ENTPD7: variants seen among roughly 807,000 people sequenced by gnomAD.
ENTPD7 encodes the protein ectonucleoside triphosphate diphosphohydrolase 7, also known as NTPDase 7.
In ENTPD7, 53 loss-of-function variants were observed where a neutral mutation model predicts 77.9. That is an observed-to-expected ratio of 0.68 (90% CI 0.55 to 0.85). ENTPD7 has a LOEUF of 0.85. ENTPD7 is among the 40% of genes least tolerant of loss of function. ENTPD7 has a pLI of 0.00. For synonymous variants in ENTPD7, 248 were observed against 274.9 expected, an observed-to-expected ratio of 0.90 and a Z score of 0.97; for missense variants, 636 against 743.7, an observed-to-expected ratio of 0.86 and a Z score of 1.68.
At chr10:99,697,681 G>A (rs1405853011) in intron 9 of ENTPD7, 1 of 159,844 alleles carries the variant, frequency 6.3e-6, no homozygotes, top group African/African-American at 2.4e-5. Context: ...GTCGGTTCCA[G>A]TTGTTGTAAA....
At chr10:99,682,199 G>GTT (rs11452695) in intron 5 of ENTPD7, among the ~76,000 whole-genome samples, 1,554 of 145,160 alleles carry the variant, frequency 0.011, 10 homozygotes, top group Admixed American at 0.012. Context: ...GTCAACAGCA[G>GTT]TTTTTTTTTT....
rs756734808 is a variant in ENTPD7, at chr10:99,685,874, G to A, written c.631G>A (p.Val211Met). Residue 211 changes from valine to methionine, a missense_variant, in exon 6 of 13, where the codon GTG (valine) becomes ATG (methionine). By Grantham distance (21) the Val-to-Met change is conservative (BLOSUM62 1). Coordinates refer to ENST00000370489, the MANE Select transcript of ENTPD7 (RefSeq NM_020354.5). The part of the protein sequence containing the change: ...DFLFSQSQAE[V>M]ISGKQEGVYA... The stretch of plus-strand genomic sequence containing the variant: ...CCTCTTTTCACAGTCTCAAGCAGAA[G>A]TGATCTCTGGGAAGCAGGAAGGTAC... The A allele has an allele frequency of 2.9e-5, 46 of 1,613,756 alleles. No homozygotes were observed. The highest frequency in any genetic ancestry group is 3.8e-5 in the Non-Finnish European group (45 of 1,179,818).
At position 99,709,636 on chromosome 10, in the gene ENTPD7, A is replaced by G. The variant is rs778853328; in HGVS notation, c.*4953A>G. ...CTTGGCTCATTCTCTCATAACCTGG[A>G]TCTAAGTTGGAAAGCTGTGGCACCC... is the stretch of plus-strand genomic sequence containing the variant. On this transcript the variant is annotated 3_prime_UTR_variant, in exon 13 of 13. Transcript: ENST00000370489. 5.1e-6 allele frequency: 5 copies of G among 985,360 alleles called. No individual in the cohort carries two copies. The highest frequency in any genetic ancestry group is 6.0e-6 in the Non-Finnish European group (5 of 829,914). 61.0% of individuals were successfully genotyped at this position (985,360 alleles called of 1,614,324 possible). A position where few individuals can be genotyped will look rare whatever the true frequency, so the allele number is the denominator to read the frequency against.
rs78524974 is a variant in ENTPD7, at chr10:99,666,571, G to A, written c.191+4943G>A. ...TGTGGAAAAAGAATTGGAGAGGAAT[G>A]AAAAAGAAAGCAGGAAGAGTAATTG... On this transcript the variant is annotated intron_variant, in intron 3 of 12. Transcript: ENST00000370489. Among the ~76,000 whole-genome samples the A allele has an allele frequency of 3.3e-3, 496 of 152,268 alleles. 3 individuals are homozygous for A. Among genetic ancestry groups the A allele is most frequent in the African/African-American group, 0.011 (474 of 41,574 alleles).
chr10:99,665,838 C>T (rs1003890092), intron 3 of ENTPD7, among the ~76,000 whole-genome samples: 1 of 152,114 alleles, frequency 6.6e-6, no homozygotes, highest in Non-Finnish European at 1.5e-5. Flanking sequence ...CCATGCCAGC[C>T]TCGACTTTCT....
chr10:99,679,979 C>T (rs758459779), intron 5 of ENTPD7, 104 bp downstream of exon 5: 93 of 1,315,642 alleles, frequency 7.1e-5, no homozygotes, highest in Non-Finnish European at 8.2e-5. Flanking sequence ...ACCCCTAAAC[C>T]CAATTATGAC....
Position 99,679,429 on chromosome 10 carries a change from C to T in ENTPD7, c.360C>T (p.Asp120=), listed in dbSNP as rs377065169. The T allele has an allele frequency of 3.7e-6, 6 of 1,613,820 alleles. No individual in the cohort carries two copies. Among genetic ancestry groups the T allele is most frequent in the Non-Finnish European group, 4.2e-6 (5 of 1,180,008 alleles). The part of the protein sequence containing the change: ...HDLLDIKQMR[D]RNSQPVVKKI... ...TGCTGGACATCAAACAGATGAGAGACCGCAACAGCCAACCAGTGGTTAAAA... is the reference window on the plus strand; with the variant it reads ...TGCTGGACATCAAACAGATGAGAGATCGCAACAGCCAACCAGTGGTTAAAA... The change falls in exon 4 of 13, where the codon GAC becomes GAT. Residue 120 remains aspartate, a synonymous_variant. Coordinates refer to ENST00000370489, the MANE Select transcript of ENTPD7 (RefSeq NM_020354.5).
In ENTPD7 at chr10:99,679,723, A is replaced by C. The variant is rs1355351507; in HGVS notation, c.398-2A>C. On this transcript the variant is annotated splice_acceptor_variant, in intron 4 of 12. Coordinates refer to ENST00000370489, the MANE Select transcript of ENTPD7 (RefSeq NM_020354.5). LOFTEE classifies it high-confidence loss of function. ...TTGTCTGTTTGTTTGTTTTAACTTA[A>C]GGAATCTCTGCAATGGCAGACACTC... 6.2e-7 allele frequency: 1 copy of C among 1,604,326 alleles called. No homozygotes were observed. The highest frequency in any genetic ancestry group is 2.2e-5 in the East Asian group (1 of 44,838).
intron 11 of ENTPD7, 21 bp from the exon 12 acceptor site, chr10:99,702,491 T>G (rs376966103): frequency 6.6e-7 from 1 of 1,512,220 alleles, no homozygotes; most frequent in Admixed American, 2.4e-5. Flanking sequence ...TTTTTAAAAT[T>G]TAATTATTTT....
At position 99,688,769 on chromosome 10, in the gene ENTPD7, T is replaced by C; in HGVS notation, c.709+19T>C. The C allele has an allele frequency of 1.9e-6, 3 of 1,612,834 alleles. No individual in the cohort carries two copies. Among genetic ancestry groups the C allele is most frequent in the Non-Finnish European group, 2.5e-6 (3 of 1,178,950 alleles). On this transcript the variant is annotated intron_variant, in intron 7 of 12. Coordinates refer to ENST00000370489, the MANE Select transcript of ENTPD7 (RefSeq NM_020354.5). ...GAGGATGGTGAGTAATATTGTCTTT[T>C]TATGACAGTTTACCTAAGGGCTGAA... is the stretch of plus-strand genomic sequence containing the variant.
intron 3 of ENTPD7, among the ~76,000 whole-genome samples, chr10:99,673,849 A>G (rs764181665): frequency 3.9e-5 from 6 of 152,180 alleles, no homozygotes; most frequent in Admixed American, 2.0e-4. Flanking sequence ...GACCAAACCA[A>G]TCAATACTAT....
chr10:99,680,673 GC>G (rs1341352411), intron 5 of ENTPD7, among the ~76,000 whole-genome samples: 1 of 151,562 alleles, frequency 6.6e-6, no homozygotes, highest in Non-Finnish European at 1.5e-5. Context: ...TTCAACCTCT[GC>G]CCCCCAGGCC....
chr10:99,707,658 T>G lies in ENTPD7; in HGVS notation c.*2975T>G, dbSNP rs556797018. The stretch of plus-strand genomic sequence containing the variant: ...TGAACTGTTTTAGGACTCTTGTTAT[T>G]ACTGAGACAGGTCACAAACATCAAA... On this transcript the variant is annotated 3_prime_UTR_variant, in exon 13 of 13. Coordinates refer to ENST00000370489, the MANE Select transcript of ENTPD7 (RefSeq NM_020354.5). 4.3e-4 allele frequency among the ~76,000 whole-genome samples: 65 copies of G among 152,338 alleles called. No homozygotes were observed. The highest frequency in any genetic ancestry group is 1.5e-3 in the African/African-American group (62 of 41,564).
rs1397575411 is a variant in ENTPD7, at chr10:99,659,909, G to T, written c.-48G>T. 1.2e-6 allele frequency: 2 copies of T among 1,613,664 alleles called. No individual in the cohort carries two copies. Among genetic ancestry groups the T allele is most frequent in the Admixed American group, 1.7e-5 (1 of 59,986 alleles). ...GGGACAAGGAGGCCACCTTCTCAGGGCAAAAGAAAAAGAAGGTGACAGGCG... is the reference window on the plus strand; with the variant it reads ...GGGACAAGGAGGCCACCTTCTCAGGTCAAAAGAAAAAGAAGGTGACAGGCG... On this transcript the variant is annotated 5_prime_UTR_variant, in exon 2 of 13. Transcript: ENST00000370489. The surrounding 1 kb of genome is among the most constrained non-coding windows in gnomAD (Gnocchi z 4.1).
chr10:99,676,590 C>T (rs1350506120), intron 3 of ENTPD7, among the ~76,000 whole-genome samples: 1 of 152,110 alleles, frequency 6.6e-6, no homozygotes, highest in Non-Finnish European at 1.5e-5. Context: ...ATTATCTTGC[C>T]TATTTCTTTT....
chr10:99,679,193 GAAGT>G (rs2035720638), intron 3 of ENTPD7, 64 bp from the exon 4 acceptor site: 2 of 1,471,564 alleles, frequency 1.4e-6, no homozygotes, highest in South Asian at 1.2e-5. Context: ...ATGAACAAAT[GAAGT>G]AAGTGAGGGC....
At chr10:99,667,536 A>T (rs1221605917) in intron 3 of ENTPD7, among the ~76,000 whole-genome samples, 1 of 152,270 alleles carries the variant, frequency 6.6e-6, no homozygotes, top group East Asian at 1.9e-4. Context: ...AATTAAACAG[A>T]AGAAGTTCTT....
In ENTPD7 at chr10:99,709,947, C is replaced by T. The variant is rs922613528; in HGVS notation, c.*5264C>T. 1.0e-5 allele frequency: 10 copies of T among 985,320 alleles called. No individual in the cohort carries two copies. Among genetic ancestry groups the T allele is most frequent in the Non-Finnish European group, 1.2e-5 (10 of 829,912 alleles). The allele number at this position is 985,320 out of a possible 1,614,324, so 61.0% of individuals were successfully genotyped here. On this transcript the variant is annotated 3_prime_UTR_variant, in exon 13 of 13. Coordinates refer to ENST00000370489, the MANE Select transcript of ENTPD7 (RefSeq NM_020354.5). ...TAAAACTGAATCATTACTCATACTA[C>T]AAGGGCTTTCACTTTTAAAATGTAA...
In ENTPD7 at chr10:99,704,917, G is replaced by C. The variant is rs1367212656; in HGVS notation, c.*234G>C. On this transcript the variant is annotated 3_prime_UTR_variant, in exon 13 of 13. Transcript: ENST00000370489. ...ACAGGAGATTGGTGCTAATACGGGG[G>C]ACCAAGCTTTGTCCAAGTGAAGCAG... 1 of 543,120 alleles carries C rather than the reference G, an allele frequency of 1.8e-6. No individual in the cohort carries two copies. Among genetic ancestry groups the C allele is most frequent in the Non-Finnish European group, 3.3e-6 (1 of 303,170 alleles). The allele number at this position is 543,120 out of a possible 1,614,324, so 33.6% of individuals were successfully genotyped here.
Sources: gnomAD v4.1 joint callset for allele counts (sites outside exome capture counted in the v4.1 genomes callset) on GRCh38, gnomAD v4.1.1 for gene constraint, Gnocchi (gnomAD v3.1) non-coding constraint, MANE v1.5 for transcripts, NCBI Gene and HGNC (gene_info 2026-07-23, HGNC 2026-07-21) for gene names.